Variants in PGLYRP3 observed in about 807,000 individuals in gnomAD.
PGLYRP3 encodes the protein peptidoglycan recognition protein 3, also known as peptidoglycan recognition protein I alpha.
A neutral mutation model predicts 36.0 loss-of-function variants in PGLYRP3; 39 were observed. The ratio of observed to expected loss-of-function variants is 1.08; its 90% CI spans 0.84 to 1.41. PGLYRP3 has a LOEUF of 1.41. Ranked by LOEUF, PGLYRP3 falls within the 40% of genes most tolerant of loss-of-function variation. PGLYRP3 has a pLI of 0.00. For missense variants in PGLYRP3, 407 were observed against 427.9 expected, an observed-to-expected ratio of 0.95 and a Z score of 0.43; for synonymous variants, 204 against 172.8, an observed-to-expected ratio of 1.18 and a Z score of -1.42.
At chr1:153,306,781 T>C (rs1378602696) in intron 3 of PGLYRP3, among the ~76,000 whole-genome samples, 2 of 152,146 alleles carry the variant, frequency 1.3e-5, no homozygotes, top group African/African-American at 4.8e-5. Context: ...AACTGTAACG[T>C]TTCGTGAGTT....
intron 6 of PGLYRP3, among the ~76,000 whole-genome samples, chr1:153,299,643 C>T (rs1473363213): frequency 6.6e-6 from 1 of 152,184 alleles, no homozygotes; most frequent in African/African-American, 2.4e-5. Context: ...ACCTTACCTT[C>T]CTCAAACATG....
At position 153,297,499 on chromosome 1, in the gene PGLYRP3, A is replaced by AAACG. The variant is rs1241721817; in HGVS notation, c.*456_*457insCGTT. ...GAGTGAGAAAGCAAGAAAGAAGGTG[A>AAACG]AAGGAAGGAAGGAAGGAAGGAAGGA... On this transcript the variant is annotated 3_prime_UTR_variant, in exon 8 of 8. Transcript: ENST00000683862. Among the ~76,000 whole-genome samples the AAACG allele has an allele frequency of 5.7e-5, 3 of 52,672 alleles. No individual in the cohort carries two copies. Among genetic ancestry groups the AAACG allele is most frequent in the African/African-American group, 1.8e-4 (2 of 11,422 alleles). 34.6% of individuals were successfully genotyped at this position (52,672 alleles called of 152,430 possible).
At chr1:153,301,659 A>T (rs1421317972) in intron 6 of PGLYRP3, among the ~76,000 whole-genome samples, 1 of 152,228 alleles carries the variant, frequency 6.6e-6, no homozygotes, top group Non-Finnish European at 1.5e-5. Flanking sequence ...AAGGAGAGAT[A>T]GTAGGCCCAG....
rs1265549907 is a variant in PGLYRP3 at position 153,304,872 on chromosome 1, G to A, written c.376+75C>T. On this transcript the variant is annotated intron_variant, in intron 4 of 7. Coordinates refer to ENST00000683862, the MANE Select transcript of PGLYRP3 (RefSeq NM_052891.3). ...AGTATGATGTAGGGTAAAAAGATGA[G>A]TGTTGACCCTTGGGAGTGGAGGAAG... 5 of 1,096,918 alleles carry A rather than the reference G, an allele frequency of 4.6e-6. No homozygotes were observed. In the East Asian group the frequency reaches 9.9e-5, roughly 22 times the overall value. 67.9% of individuals were successfully genotyped at this position (1,096,918 alleles called of 1,614,324 possible).
At chr1:153,307,607 G>A (rs892823265) in intron 2 of PGLYRP3, among the ~76,000 whole-genome samples, 6 of 152,088 alleles carry the variant, frequency 3.9e-5, no homozygotes, top group Non-Finnish European at 1.5e-5. Flanking sequence ...CGCCCACCCT[G>A]GGGCTCTGAG....
chr1:153,303,375 C>T (rs1026492007), intron 5 of PGLYRP3, among the ~76,000 whole-genome samples: 2 of 152,174 alleles, frequency 1.3e-5, no homozygotes, highest in Non-Finnish European at 2.9e-5. Flanking sequence ...CCTTCGTGTC[C>T]CCACATAATA....
rs868157682 is a variant in PGLYRP3, at chr1:153,297,559, G to T, written c.*397C>A. On this transcript the variant is annotated 3_prime_UTR_variant, in exon 8 of 8. Coordinates refer to ENST00000683862, the MANE Select transcript of PGLYRP3 (RefSeq NM_052891.3). The stretch of plus-strand genomic sequence containing the variant: ...GGAAGGAAGGAAGGAAGGAAAGAAA[G>T]AAAAAGAAAGAAAGAAAGAAAGAAG... Among the ~76,000 whole-genome samples, 1 of 72,668 alleles carries T rather than the reference G, an allele frequency of 1.4e-5. No individual in the cohort carries two copies. The highest frequency in any genetic ancestry group is 5.6e-5 in the African/African-American group (1 of 17,860). The allele number at this position is 72,668 out of a possible 152,430, so 47.7% of individuals were successfully genotyped here. A position where few individuals can be genotyped will look rare whatever the true frequency, so the allele number is the denominator to read the frequency against.
rs1659704699 is a variant in PGLYRP3 at position 153,305,052 on chromosome 1, C to G, written c.271G>C (p.Asp91His). Residue 91 changes from aspartate to histidine, a missense_variant, in exon 4 of 8, where the codon GAT becomes CAT. Asp to His is a moderately conservative substitution (Grantham distance 81). Transcript: ENST00000683862. The stretch of plus-strand genomic sequence containing the variant: ...ACACCTTCATACACCCTGCCATCAT[C>G]CCCAACCAGGAAGCTGACAAGAAGG... Reference protein sequence around the residue: ...CDVAYNFLVGDDGRVYEGVGW... With the variant: ...CDVAYNFLVGHDGRVYEGVGW... 2.5e-6 allele frequency: 4 copies of G among 1,611,290 alleles called. No individual in the cohort carries two copies. In the African/African-American group the frequency reaches 5.3e-5, roughly 22 times the overall value.
intron 2 of PGLYRP3, among the ~76,000 whole-genome samples, chr1:153,307,568 C>A (rs1188244001): frequency 6.6e-6 from 1 of 152,172 alleles, no homozygotes; most frequent in East Asian, 1.9e-4. Context: ...ATGCTCCCCT[C>A]CTTCAGAAAG....
chr1:153,306,604 C>T (rs2101521680), intron 3 of PGLYRP3, among the ~76,000 whole-genome samples: 1 of 152,344 alleles, frequency 6.6e-6, no homozygotes, highest in Admixed American at 6.5e-5. Flanking sequence ...CTGGCAGGTG[C>T]TCTCACACAG....
At chr1:153,309,060 T>C (rs1659832019) in intron 2 of PGLYRP3, among the ~76,000 whole-genome samples, 1 of 152,210 alleles carries the variant, frequency 6.6e-6, no homozygotes, top group South Asian at 2.1e-4. Flanking sequence ...ATACAGATTA[T>C]TGTGACCGCC....
At chr1:153,303,811 C>CTAGG in intron 5 of PGLYRP3, 46 bp downstream of exon 5, 1 of 1,569,524 alleles carries the variant, frequency 6.4e-7, no homozygotes, top group Non-Finnish European at 8.7e-7. Context: ...CCAAACATGG[C>CTAGG]TAGGTGGTGA....
chr1:153,307,960 A>G (rs1276297515), intron 2 of PGLYRP3, among the ~76,000 whole-genome samples: 4 of 151,118 alleles, frequency 2.6e-5, no homozygotes, highest in Non-Finnish European at 5.9e-5. Context: ...GGAGTGGAGG[A>G]CATGTCTTTT....
intron 2 of PGLYRP3, 44 bp downstream of exon 2, chr1:153,310,567 C>G: frequency 6.3e-7 from 1 of 1,591,942 alleles, no homozygotes; most frequent in Non-Finnish European, 8.6e-7. Flanking sequence ...ACGGTCTTCT[C>G]TTGCTCATCA....
At position 153,309,987 on chromosome 1, in the gene PGLYRP3, T is replaced by A. The variant is rs190975988; in HGVS notation, c.55+624A>T. Among the ~76,000 whole-genome samples the A allele has an allele frequency of 4.6e-3, 697 of 152,316 alleles. 18 individuals are homozygous for A. Among genetic ancestry groups the A allele is most frequent in the Admixed American group, 0.043 (659 of 15,296 alleles). On this transcript the variant is annotated intron_variant, in intron 2 of 7. Transcript: ENST00000683862. ...GCAGAGGACAGAGAGAAAGCTATAT[T>A]ACATTTTTCCTTCCGAAGGGGGTCT...
chr1:153,301,168 G>A (rs184266038), intron 6 of PGLYRP3, among the ~76,000 whole-genome samples: 55 of 152,232 alleles, frequency 3.6e-4, no homozygotes, highest in African/African-American at 1.2e-3. Flanking sequence ...CAATCCTTCC[G>A]CCTCGGCCTC....
intron 3 of PGLYRP3, among the ~76,000 whole-genome samples, chr1:153,305,666 C>T (rs187720388): frequency 3.9e-5 from 6 of 152,222 alleles, no homozygotes; most frequent in South Asian, 2.1e-4. Context: ...ACAACTTTGC[C>T]GTATTCATCT....
chr1:153,307,091 T>C lies in PGLYRP3; in HGVS notation c.232A>G (p.Ile78Val). 2 of 1,613,798 alleles carry C rather than the reference T, an allele frequency of 1.2e-6. No homozygotes were observed. The highest frequency in any genetic ancestry group is 2.2e-5 in the East Asian group (1 of 44,868). ...RGLQSHSVYT[I>V]GWCDVAYNFL... ...TTGTACGCCACGTCGCACCAGCCTATGGTGTAGACGGAATGGGACTGCAAC... is the reference window on the plus strand; with the variant it reads ...TTGTACGCCACGTCGCACCAGCCTACGGTGTAGACGGAATGGGACTGCAAC... Residue 78 changes from isoleucine (I) to valine (V), a missense_variant, in exon 3 of 8, where the codon ATA becomes GTA. By Grantham distance (29) the Ile-to-Val change is conservative (BLOSUM62 3). Transcript: ENST00000683862.
At chr1:153,298,167 G>C in intron 7 of PGLYRP3, 33 bp from the exon 8 acceptor site, 1 of 1,604,932 alleles carries the variant, frequency 6.2e-7, no homozygotes, top group Non-Finnish European at 8.5e-7. Flanking sequence ...CAGTCATTAG[G>C]GGCTCAAAGT....
Sources: allele counts gnomAD v4.1 joint callset (sites outside exome capture counted in the v4.1 genomes callset), GRCh38; gene constraint gnomAD v4.1.1; transcripts MANE v1.5; gene names NCBI Gene and HGNC (gene_info 2026-07-23, HGNC 2026-07-21).